SLC24A2: variants seen among roughly 807,000 people sequenced by gnomAD.
SLC24A2 encodes the protein solute carrier family 24 member 2, also known as sodium/potassium/calcium exchanger 2.
In SLC24A2, 36 loss-of-function variants were observed where a neutral mutation model predicts 62.0. The observed-to-expected ratio is 0.58, with a 90% confidence interval of 0.44 to 0.77. The LOEUF (loss-of-function observed/expected upper bound fraction) is 0.77. Among genes scored for constraint, SLC24A2 ranks in the 30% least tolerant of loss-of-function variants. The pLI is 0.00. For missense variants in SLC24A2, 846 were observed against 817.9 expected, an observed-to-expected ratio of 1.03 and a Z score of -0.42; for synonymous variants, 358 against 294.0, an observed-to-expected ratio of 1.22 and a Z score of -2.23.
the SLC24A2 span, among the ~76,000 whole-genome samples, chr9:20,262,564 C>G: frequency 6.6e-6 from 1 of 152,240 alleles, no homozygotes; most frequent in Non-Finnish European, 1.5e-5. Flanking sequence ...AGCCCATTTA[C>G]CTCAGTACAG....
the SLC24A2 span, among the ~76,000 whole-genome samples, chr9:19,972,820 G>T: frequency 6.6e-6 from 1 of 151,662 alleles, no homozygotes; most frequent in African/African-American, 2.4e-5. Flanking sequence ...CAGAGAAAGT[G>T]AGCAACCTTG....
chr9:19,770,942 A>G (rs2118892033), intron 2 of SLC24A2, among the ~76,000 whole-genome samples: 1 of 152,354 alleles, frequency 6.6e-6, no homozygotes. Flanking sequence ...AATATTTTTT[A>G]AACAAGCTAT....
the SLC24A2 span, among the ~76,000 whole-genome samples, chr9:20,211,706 G>C: frequency 6.6e-6 from 1 of 151,982 alleles, no homozygotes; most frequent in Admixed American, 6.5e-5. Context: ...ACAATAACAA[G>C]AATCTAGAAC....
chr9:19,547,590 C>T (rs1032066579), intron 8 of SLC24A2, among the ~76,000 whole-genome samples: 4 of 151,856 alleles, frequency 2.6e-5, no homozygotes, highest in Non-Finnish European at 4.4e-5. Context: ...TCTGAGAGTT[C>T]CTCCCAATTC....
Position 19,613,298 on chromosome 9 carries a change from T to A in SLC24A2, c.1078+6286A>T, listed in dbSNP as rs1182481610. Reference sequence around the variant, plus strand: ...TCTGAAGTCTTTGGGAGAACATATATGCCTATATGCCTGCCAAACACAACC... The same window carrying A: ...TCTGAAGTCTTTGGGAGAACATATAAGCCTATATGCCTGCCAAACACAACC... On this transcript the variant is annotated intron_variant, in intron 4 of 10. Coordinates refer to ENST00000341998, the MANE Select transcript of SLC24A2 (RefSeq NM_020344.4). Among the ~76,000 whole-genome samples the A allele has an allele frequency of 2.6e-5, 4 of 152,194 alleles. No homozygotes were observed. The East Asian group carries it at 7.7e-4, about 29-fold the overall frequency.
At chr9:20,236,684 A>G in the SLC24A2 span, among the ~76,000 whole-genome samples, 1 of 152,178 alleles carries the variant, frequency 6.6e-6, no homozygotes, top group East Asian at 1.9e-4. Context: ...ATTGAACTAA[A>G]AAAGACACTA....
At chr9:19,755,891 C>T (rs1049752696) in intron 2 of SLC24A2, among the ~76,000 whole-genome samples, 15 of 149,240 alleles carry the variant, frequency 1.0e-4, no homozygotes, top group Admixed American at 2.0e-4. Context: ...TTGGTTTTAG[C>T]GATGTAGCTC....
the SLC24A2 span, among the ~76,000 whole-genome samples, chr9:19,932,538 A>G: frequency 1.3e-5 from 2 of 152,214 alleles, no homozygotes; most frequent in Admixed American, 6.5e-5. Flanking sequence ...GGAAGTTTTC[A>G]ATGTATGCTA....
intron 2 of SLC24A2, among the ~76,000 whole-genome samples, chr9:19,780,560 C>T (rs1822983304): frequency 6.6e-6 from 1 of 151,432 alleles, no homozygotes; most frequent in African/African-American, 2.4e-5. Flanking sequence ...GCCACCGCGC[C>T]CGGCCACACA....
chr9:20,079,138 C>T, the SLC24A2 span, among the ~76,000 whole-genome samples: 2 of 147,204 alleles, frequency 1.4e-5, no homozygotes, highest in Non-Finnish European at 3.1e-5. Flanking sequence ...GAAGGGAAAA[C>T]ACAGACACAG....
chr9:19,539,045 G>C (rs1410958401), intron 8 of SLC24A2, among the ~76,000 whole-genome samples: 1 of 85,588 alleles, frequency 1.2e-5, no homozygotes, highest in Non-Finnish European at 2.3e-5. Flanking sequence ...GGGATCGGTG[G>C]TGATATCCCC....
chr9:19,805,399 T>C, the SLC24A2 span, among the ~76,000 whole-genome samples: 1 of 152,308 alleles, frequency 6.6e-6, no homozygotes, highest in South Asian at 2.1e-4. Context: ...TGATTGTTTA[T>C]CTAACAATAA....
the SLC24A2 span, among the ~76,000 whole-genome samples, chr9:20,136,986 G>C: frequency 1.3e-5 from 2 of 152,144 alleles, no homozygotes; most frequent in African/African-American, 4.8e-5. Flanking sequence ...CTAATTAAGA[G>C]AGATAATGCT....
chr9:19,779,016 A>C (rs2118920063), intron 2 of SLC24A2, among the ~76,000 whole-genome samples: 1 of 152,364 alleles, frequency 6.6e-6, no homozygotes, highest in Middle Eastern at 3.4e-3. Context: ...CTAAAATTAG[A>C]AAGTCAATAG....
At chr9:20,060,410 G>C in the SLC24A2 span, among the ~76,000 whole-genome samples, 1 of 151,990 alleles carries the variant, frequency 6.6e-6, no homozygotes, top group Admixed American at 6.6e-5. Context: ...TAAAATATTA[G>C]CAAACCAAAT....
chr9:20,194,093 GA>G, the SLC24A2 span, among the ~76,000 whole-genome samples: 1 of 151,650 alleles, frequency 6.6e-6, no homozygotes, highest in South Asian at 2.1e-4. Flanking sequence ...TTTTTTTTGG[GA>G]AAACAAAAGT....
At chr9:19,592,454 A>G (rs929256979) in intron 5 of SLC24A2, among the ~76,000 whole-genome samples, 3 of 152,100 alleles carry the variant, frequency 2.0e-5, no homozygotes, top group Admixed American at 6.5e-5. Context: ...TCATTGCAAG[A>G]TATTAGTTGG....
the SLC24A2 span, among the ~76,000 whole-genome samples, chr9:19,883,255 A>C: frequency 6.6e-6 from 1 of 152,196 alleles, no homozygotes; most frequent in African/African-American, 2.4e-5. Flanking sequence ...TATCTATCCC[A>C]ATGGTGACTC....
the SLC24A2 span, among the ~76,000 whole-genome samples, chr9:19,935,041 A>AT: frequency 1.8e-4 from 27 of 151,312 alleles, no homozygotes; most frequent in Admixed American, 5.9e-4. Flanking sequence ...TATTTTATTT[A>AT]TTTATTTTAT....
Sources: gnomAD v4.1 joint callset for allele counts (sites outside exome capture counted in the v4.1 genomes callset) on GRCh38, gnomAD v4.1.1 for gene constraint, MANE v1.5 for transcripts, NCBI Gene and HGNC (gene_info 2026-07-23, HGNC 2026-07-21) for gene names.